The following ACER1 variants were observed in gnomAD, a reference collection of about 807,000 sequenced individuals.
ACER1 encodes alkaline ceramidase 1.
ACER1 carries 28 observed loss-of-function variants against 24.9 expected under a neutral mutation model. The observed-to-expected ratio is 1.13, with a 90% CI of 0.83 to 1.54. The LOEUF (loss-of-function observed/expected upper bound fraction) is 1.54, where lower values mean the gene tolerates loss of function less well. ACER1 is among the 40% of genes most tolerant of loss of function. The pLI is 0.00. For synonymous variants in ACER1, 132 were observed against 131.4 expected, an observed-to-expected ratio of 1.00 and a Z score of -0.03; for missense variants, 352 against 349.3, an observed-to-expected ratio of 1.01 and a Z score of -0.06.
the ACER1 span, among the ~76,000 whole-genome samples, chr19:6,349,051 A>G: frequency 6.6e-6 from 1 of 151,374 alleles, no homozygotes; most frequent in South Asian, 2.1e-4. Context: ...GCGAGACTCC[A>G]TCAAGAAGAA....
At chr19:6,335,140 A>G (rs1187655108), upstream of ACER1, among the ~76,000 whole-genome samples, 1 of 144,984 alleles carries the variant, frequency 6.9e-6, no homozygotes, top group African/African-American at 2.6e-5. Flanking sequence ...GATTAATATA[A>G]TTTAATATAA....
chr19:6,336,897 C>T (rs1024796010), upstream of ACER1, among the ~76,000 whole-genome samples: 8 of 151,134 alleles, frequency 5.3e-5, no homozygotes, highest in African/African-American at 7.3e-5. Flanking sequence ...CTGAACTGGC[C>T]GGGCATGGTG....
chr19:6,320,290 G>A (rs533924815), intron 1 of ACER1, among the ~76,000 whole-genome samples: 4 of 152,136 alleles, frequency 2.6e-5, no homozygotes, highest in African/African-American at 9.6e-5. Flanking sequence ...GGGACGAAGT[G>A]TGCACCGGCC....
At position 6,333,429 on chromosome 19, in the gene ACER1, C is replaced by T. The variant is rs150017787; in HGVS notation, c.93+30G>A. 1,455 of 1,528,780 alleles carry T rather than the reference C, an allele frequency of 9.5e-4. 10 individuals carry two copies. The highest frequency in any genetic ancestry group is 7.1e-3 in the Middle Eastern group (42 of 5,916). 94.7% of individuals were successfully genotyped at this position (1,528,780 alleles called of 1,614,324 possible). A position where few individuals can be genotyped will look rare whatever the true frequency, so the allele number is the denominator to read the frequency against. On this transcript the variant is annotated intron_variant, in intron 1 of 5. Coordinates refer to ENST00000301452, the MANE Select transcript of ACER1 (RefSeq NM_133492.3). ...AACCGGGATTCGAACCGGCATCTGG[C>T]GAGACTCCTTCACACACCCACGCAC...
intron 1 of ACER1, among the ~76,000 whole-genome samples, chr19:6,314,650 A>C (rs1184718614): frequency 6.6e-6 from 1 of 152,160 alleles, no homozygotes; most frequent in Non-Finnish European, 1.5e-5. Context: ...AATGGGTACA[A>C]CCTCTACGGA....
upstream of ACER1, among the ~76,000 whole-genome samples, chr19:6,334,093 G>A (rs2091703131): frequency 6.6e-6 from 1 of 151,520 alleles, no homozygotes; most frequent in Non-Finnish European, 1.5e-5. Flanking sequence ...TGCCCAGGCT[G>A]GAGTGCAGTG....
Position 6,330,685 on chromosome 19 carries a change from G to A in ACER1, c.93+2774C>T, listed in dbSNP as rs1002047701. ...AACACTGGACCACAGTGGCTGCTGGGGATTCCAGAGAGAAGAGCTCTAGAG... is the reference window on the plus strand; with the variant it reads ...AACACTGGACCACAGTGGCTGCTGGAGATTCCAGAGAGAAGAGCTCTAGAG... On this transcript the variant is annotated intron_variant, in intron 1 of 5. Transcript: ENST00000301452. Among the ~76,000 whole-genome samples, 18 of 148,242 alleles carry A rather than the reference G, an allele frequency of 1.2e-4. 1 individual carries two copies. Among genetic ancestry groups the A allele is most frequent in the Admixed American group, 9.9e-4 (15 of 15,084 alleles).
chr19:6,340,387 T>C, the ACER1 span, among the ~76,000 whole-genome samples: 1 of 150,974 alleles, frequency 6.6e-6, no homozygotes. Context: ...AAAACAGAAC[T>C]AAAGCTTGAC....
intron 1 of ACER1, among the ~76,000 whole-genome samples, chr19:6,319,188 G>A (rs946768310): frequency 1.1e-4 from 16 of 152,288 alleles, no homozygotes; most frequent in Admixed American, 7.2e-4. Flanking sequence ...CCAGCCAGGA[G>A]TTATCAACAG....
the ACER1 span, among the ~76,000 whole-genome samples, chr19:6,339,792 C>CAAGTA: frequency 2.6e-5 from 4 of 151,850 alleles, no homozygotes; most frequent in South Asian, 8.3e-4. Context: ...CTCAGCCTCC[C>CAAGTA]GATGGGACTA....
chr19:6,351,363 T>A, the ACER1 span, among the ~76,000 whole-genome samples: 1 of 150,748 alleles, frequency 6.6e-6, no homozygotes. Flanking sequence ...TGAAACTCCG[T>A]CTCAAAAAAT....
intron 1 of ACER1, among the ~76,000 whole-genome samples, chr19:6,331,513 G>T (rs1473892667): frequency 1.3e-5 from 2 of 151,398 alleles, no homozygotes; most frequent in Non-Finnish European, 2.9e-5. Flanking sequence ...GCACTACGAG[G>T]CCGGGCGCCG....
intron 1 of ACER1, among the ~76,000 whole-genome samples, chr19:6,321,952 G>A (rs2091633346): frequency 6.6e-6 from 1 of 152,124 alleles, no homozygotes; most frequent in South Asian, 2.1e-4. Flanking sequence ...TGTGTCCTCA[G>A]AGCCTGGAGC....
chr19:6,339,753 C>T, the ACER1 span, among the ~76,000 whole-genome samples: 50 of 152,072 alleles, frequency 3.3e-4, no homozygotes, highest in African/African-American at 9.2e-4. Context: ...CTGCAAGCTC[C>T]GCCTCCCGGG....
upstream of ACER1, among the ~76,000 whole-genome samples, chr19:6,336,275 C>T (rs1013265363): frequency 5.3e-5 from 8 of 150,922 alleles, no homozygotes; most frequent in African/African-American, 2.0e-4. Context: ...TAGTTCAATG[C>T]AGCCTTGCTT....
At chr19:6,358,262 T>G in the ACER1 span, among the ~76,000 whole-genome samples, 2 of 151,998 alleles carry the variant, frequency 1.3e-5, no homozygotes, top group African/African-American at 4.8e-5. Flanking sequence ...ATGCCGGCTT[T>G]CCACCGTGAG....
rs2091687443 is a variant in ACER1 at position 6,331,585 on chromosome 19, G to A, written c.93+1874C>T. 2.0e-5 allele frequency among the ~76,000 whole-genome samples: 3 copies of A among 151,760 alleles called. No individual in the cohort carries two copies. The South Asian group carries it at 6.3e-4, about 32-fold the overall frequency. ...GAGGTGGGCGGATCACCTGAGGTCGGGAGTTCAAGACCAGCCTGGCCAACA... is the reference window on the plus strand; with the variant it reads ...GAGGTGGGCGGATCACCTGAGGTCGAGAGTTCAAGACCAGCCTGGCCAACA... On this transcript the variant is annotated intron_variant, in intron 1 of 5. Transcript: ENST00000301452.
At chr19:6,311,175 G>C (rs1159165889) in intron 3 of ACER1, among the ~76,000 whole-genome samples, 1 of 143,882 alleles carries the variant, frequency 7.0e-6, no homozygotes, top group African/African-American at 2.5e-5. Flanking sequence ...CCAGGACCCA[G>C]TAGGGATAAA....
At chr19:6,332,570 G>C (rs1377016330) in intron 1 of ACER1, among the ~76,000 whole-genome samples, 1 of 152,114 alleles carries the variant, frequency 6.6e-6, no homozygotes, top group Non-Finnish European at 1.5e-5. Context: ...ATGGTGCTAG[G>C]TACATCCATG....
Sources: gnomAD v4.1 joint callset for allele counts (sites outside exome capture counted in the v4.1 genomes callset) on GRCh38, gnomAD v4.1.1 for gene constraint, MANE v1.5 for transcripts, NCBI Gene and HGNC (gene_info 2026-07-23, HGNC 2026-07-21) for gene names.